The following FBXO11 variants were observed in gnomAD, a reference collection of about 807,000 sequenced individuals.
The protein encoded by FBXO11 is F-box protein 11.
A neutral mutation model predicts 117.0 loss-of-function variants in FBXO11; 13 were observed. The observed-to-expected ratio is 0.11, with a 90% CI of 0.07 to 0.18. The LOEUF is 0.18. Among genes scored for constraint, FBXO11 ranks in the 10% least tolerant of loss-of-function variants. FBXO11 has a pLI of 1.00. For missense variants in FBXO11, 767 were observed against 1,164.4 expected (o/e 0.66, Z 4.97); for synonymous variants, 490 against 380.5 (o/e 1.29, Z -3.35).
At chr2:47,834,260 G>C (rs1420587373) in intron 7 of FBXO11, among the ~76,000 whole-genome samples, 2 of 152,056 alleles carry the variant, frequency 1.3e-5, no homozygotes, top group African/African-American at 4.8e-5. Flanking sequence ...TGAGGCATGA[G>C]AATTGCTTGA....
intron 1 of FBXO11, among the ~76,000 whole-genome samples, chr2:47,853,764 G>C (rs747561969): frequency 6.6e-6 from 1 of 152,066 alleles, no homozygotes; most frequent in Non-Finnish European, 1.5e-5. Context: ...CTCAACATTA[G>C]CTATCATCAT....
At chr2:47,826,303 C>A (rs1328387544) in intron 11 of FBXO11, among the ~76,000 whole-genome samples, 1 of 152,126 alleles carries the variant, frequency 6.6e-6, no homozygotes, top group South Asian at 2.1e-4. Context: ...GTGATCCACC[C>A]GCCTCGGCCT....
chr2:47,836,560 C>T (rs976680319), intron 4 of FBXO11, among the ~76,000 whole-genome samples: 3 of 151,962 alleles, frequency 2.0e-5, no homozygotes, highest in African/African-American at 7.3e-5. Context: ...AAGTGATTTA[C>T]CCACCTCAGC....
chr2:47,860,922 C>A (rs1250526138), intron 1 of FBXO11, among the ~76,000 whole-genome samples: 2 of 147,480 alleles, frequency 1.4e-5, no homozygotes, highest in Non-Finnish European at 1.5e-5. Flanking sequence ...TCTCGGCTCA[C>A]TGCAACCTCC....
At chr2:47,867,474 A>G (rs1041910909) in intron 1 of FBXO11, among the ~76,000 whole-genome samples, 2 of 152,234 alleles carry the variant, frequency 1.3e-5, no homozygotes, top group Admixed American at 6.5e-5. Context: ...CGGCCCAATG[A>G]CAAAGGGGTC....
chr2:47,810,626 G>A (rs1670545301), intron 18 of FBXO11, 200 bp from the exon 19 acceptor site: 1 of 468,844 alleles, frequency 2.1e-6, no homozygotes, highest in East Asian at 3.6e-5. Context: ...ACAGGTAAGA[G>A]CATTCTGACC....
At position 47,832,985 on chromosome 2, in the gene FBXO11, A is replaced by G; in HGVS notation, c.1020T>C (p.Tyr340=). 6.2e-7 allele frequency: 1 copy of G among 1,612,750 alleles called. No homozygotes were observed. The highest frequency in any genetic ancestry group is 8.5e-7 in the Non-Finnish European group (1 of 1,178,770). The change falls in exon 8 of 23, where the codon TAT becomes TAC. Residue 340 remains tyrosine (Y), a synonymous_variant. Coordinates refer to ENST00000403359, the MANE Select transcript of FBXO11 (RefSeq NM_001190274.2). ...FVFMEGSEDA[Y]VGYMTIRFNP... ...TTACCCTTATTGTCATATATCCAAC[A>G]TAAGCATCTTCAGAGCCTTCCATAA...
At chr2:47,889,938 C>T (rs765071564) in intron 1 of FBXO11, among the ~76,000 whole-genome samples, 8 of 152,168 alleles carry the variant, frequency 5.3e-5, no homozygotes, top group Non-Finnish European at 1.2e-4. Flanking sequence ...TACGTATTTA[C>T]TACCATAATC....
chr2:47,841,026 A>G (rs922377868), intron 1 of FBXO11, among the ~76,000 whole-genome samples: 5 of 151,816 alleles, frequency 3.3e-5, no homozygotes, highest in Non-Finnish European at 7.4e-5. Context: ...GTGAAACCCC[A>G]TCTCTACTAA....
Position 47,906,021 on chromosome 2 carries a change from G to C in FBXO11, c.-301C>G, listed in dbSNP as rs1678789510. ...AGGCAGAAAGACGGGCAGACCGAGA[G>C]AAAGAAAGAAAGGGCGTCCGCCGCT... On this transcript the variant is annotated 5_prime_UTR_variant, in exon 1 of 23. Coordinates refer to ENST00000403359, the MANE Select transcript of FBXO11 (RefSeq NM_001190274.2). 6.8e-6 allele frequency: 2 copies of C among 293,426 alleles called. No individual in the cohort carries two copies. Among genetic ancestry groups the C allele is most frequent in the Non-Finnish European group, 1.3e-5 (2 of 156,340 alleles). The allele number at this position is 293,426 out of a possible 1,614,324, so 18.2% of individuals were successfully genotyped here. A position where few individuals can be genotyped will look rare whatever the true frequency, so the allele number is the denominator to read the frequency against.
chr2:47,851,411 T>C (rs1400483308), intron 1 of FBXO11, among the ~76,000 whole-genome samples: 1 of 152,078 alleles, frequency 6.6e-6, no homozygotes, highest in African/African-American at 2.4e-5. Flanking sequence ...TTGTATTTAG[T>C]AGAGATGGGG....
At chr2:47,876,391 T>C (rs1676008071) in intron 1 of FBXO11, among the ~76,000 whole-genome samples, 3 of 152,242 alleles carry the variant, frequency 2.0e-5, no homozygotes, top group South Asian at 4.1e-4. Context: ...TCCTTCTCCC[T>C]GGTTTACTAT....
intron 1 of FBXO11, among the ~76,000 whole-genome samples, chr2:47,854,593 C>A (rs997906826): frequency 2.0e-5 from 3 of 152,164 alleles, no homozygotes; most frequent in African/African-American, 7.2e-5. Flanking sequence ...TCTTTGCCTG[C>A]AAAATGAGAG....
intron 16 of FBXO11, chr2:47,818,555 C>G: frequency 2.3e-6 from 1 of 436,820 alleles, no homozygotes; most frequent in Non-Finnish European, 4.1e-6. Flanking sequence ...GAAAGCAGAA[C>G]GGTGGAAGTG....
intron 1 of FBXO11, among the ~76,000 whole-genome samples, chr2:47,875,005 G>C (rs1675895738): frequency 6.6e-6 from 1 of 151,556 alleles, no homozygotes; most frequent in South Asian, 2.1e-4. Flanking sequence ...TCTTAAGTCT[G>C]AGAAAATTCA....
Position 47,905,535 on chromosome 2 carries a change from C to G in FBXO11, c.186G>C (p.Pro62=), listed in dbSNP as rs770922020. ...GCTCCTGAGGCAGCGGCGGAGGCGG[C>G]GGTGGCGGCGGCGGAGGCTGCTGCT... ...QQQQQPPPPP[P]PPPPLPQERN... Residue 62 remains proline, a synonymous_variant, in exon 1 of 23, where the codon CCG becomes CCC. Coordinates refer to ENST00000403359, the MANE Select transcript of FBXO11 (RefSeq NM_001190274.2). 1.6e-6 allele frequency: 2 copies of G among 1,236,170 alleles called. No individual in the cohort carries two copies. The highest frequency in any genetic ancestry group is 2.0e-6 in the Non-Finnish European group (2 of 992,482). 76.6% of individuals were successfully genotyped at this position (1,236,170 alleles called of 1,614,324 possible).
At chr2:47,814,084 T>G (rs1345483643) in intron 16 of FBXO11, 2 of 453,178 alleles carry the variant, frequency 4.4e-6, no homozygotes, top group Non-Finnish European at 8.0e-6. Flanking sequence ...TTGTAGAGTT[T>G]CCTAACATGT....
intron 14 of FBXO11, 99 bp from the exon 15 acceptor site, chr2:47,819,177 TTG>T: frequency 8.0e-7 from 1 of 1,253,134 alleles, no homozygotes; most frequent in South Asian, 1.5e-5. Context: ...TTTTCCATTT[TTG>T]TTTTTTCATC....
intron 4 of FBXO11, among the ~76,000 whole-genome samples, chr2:47,837,902 C>T (rs945566011): frequency 6.6e-6 from 1 of 151,864 alleles, no homozygotes; most frequent in Non-Finnish European, 1.5e-5. Flanking sequence ...GGCCTCTTTT[C>T]ACTTTTTATA....
Sources: gnomAD v4.1 joint callset for allele counts (sites outside exome capture counted in the v4.1 genomes callset) on GRCh38, gnomAD v4.1.1 for gene constraint, MANE v1.5 for transcripts, NCBI Gene and HGNC (gene_info 2026-07-23, HGNC 2026-07-21) for gene names.